The following SLC38A10 variants were observed in gnomAD, a reference collection of about 807,000 sequenced individuals.
The protein encoded by SLC38A10 is solute carrier family 38 member 10.
A neutral mutation model predicts 81.0 loss-of-function variants in SLC38A10; 53 were observed. The ratio of observed to expected loss-of-function variants is 0.65; its 90% CI spans 0.53 to 0.82. SLC38A10 has a LOEUF of 0.82. Among genes scored for constraint, SLC38A10 ranks in the 40% least tolerant of loss-of-function variants. The probability of loss-of-function intolerance (pLI) is 0.00; values close to 1 mark genes in which losing one functional copy is unlikely to be tolerated. For missense variants in SLC38A10, 1,471 were observed against 1,545.0 expected, an observed-to-expected ratio of 0.95 and a Z score of 0.80; for synonymous variants, 665 against 655.3, an observed-to-expected ratio of 1.01 and a Z score of -0.23.
intron 9 of SLC38A10, 54 bp from the exon 10 acceptor site, chr17:81,271,078 G>A: frequency 2.0e-6 from 3 of 1,470,776 alleles, no homozygotes; most frequent in Non-Finnish European, 2.8e-6. Flanking sequence ...CTGGGAAGGA[G>A]GGGACCTGAG....
intron 2 of SLC38A10, among the ~76,000 whole-genome samples, chr17:81,287,283 G>A (rs965593429): frequency 2.6e-5 from 4 of 152,198 alleles, no homozygotes; most frequent in Non-Finnish European, 5.9e-5. Context: ...GGGGGCAGAT[G>A]CCATTCGGAG....
At position 81,286,256 on chromosome 17, in the gene SLC38A10, A is replaced by T. The variant is rs2063266090; in HGVS notation, c.218-1361T>A. 6.6e-6 allele frequency among the ~76,000 whole-genome samples: 1 copy of T among 152,234 alleles called. No individual in the cohort carries two copies. The highest frequency in any genetic ancestry group is 1.5e-5 in the Non-Finnish European group (1 of 68,046). ...CAAAAGGAAGCTGAGTCTCTACAGC[A>T]TATTCCAAACACGAGCGCACCTTGC... is the stretch of plus-strand genomic sequence containing the variant. On this transcript the variant is annotated intron_variant, in intron 2 of 15. Transcript: ENST00000374759. This position sits in a 1 kb window ranked among gnomAD's most constrained non-coding sequence, Gnocchi z 6.0.
chr17:81,282,669 C>T (rs1451265220), intron 4 of SLC38A10, among the ~76,000 whole-genome samples: 3 of 152,210 alleles, frequency 2.0e-5, no homozygotes, highest in African/African-American at 7.2e-5. Flanking sequence ...GGGAAAGGTG[C>T]AGACTGCCCT....
At position 81,277,339 on chromosome 17, in the gene SLC38A10, C is replaced by T. The variant is rs72850619; in HGVS notation, c.627-206G>A. 1.3e-5 allele frequency among the ~76,000 whole-genome samples: 2 copies of T among 152,154 alleles called. No individual in the cohort carries two copies. The highest frequency in any genetic ancestry group is 1.5e-5 in the Non-Finnish European group (1 of 68,026). On this transcript the variant is annotated intron_variant, in intron 6 of 15. Coordinates refer to ENST00000374759, the MANE Select transcript of SLC38A10 (RefSeq NM_001037984.3). The surrounding 1 kb of genome is among the most constrained non-coding windows in gnomAD (Gnocchi z 4.5). ...GTTGCAGCAGCCCCCACTCAGGACA[C>T]CCCCCAGAGCGTGCACCATGCGAAC...
chr17:81,285,395 C>T (rs764167901), intron 2 of SLC38A10: 1 of 152,860 alleles, frequency 6.5e-6, no homozygotes, highest in Non-Finnish European at 1.5e-5. Flanking sequence ...CAAATGGAGA[C>T]TCCTTTCGAG....
chr17:81,262,625 G>C (rs2063033793), intron 10 of SLC38A10, among the ~76,000 whole-genome samples: 1 of 152,188 alleles, frequency 6.6e-6, no homozygotes, highest in South Asian at 2.1e-4. Flanking sequence ...ACGGGATCTT[G>C]GTGAGAGTAC....
At chr17:81,250,843 A>G in intron 14 of SLC38A10, 1 of 1,020,766 alleles carries the variant, frequency 9.8e-7, no homozygotes, top group Non-Finnish European at 1.2e-6. Context: ...GCAAAAAGCC[A>G]ACAGCTGAGA....
chr17:81,258,475 G>A (rs149695727), intron 11 of SLC38A10, among the ~76,000 whole-genome samples: 1,535 of 152,230 alleles, frequency 0.01, 35 homozygotes, highest in African/African-American at 0.035. Context: ...GCCTCATGAC[G>A]GGATACAGCT....
At position 81,265,492 on chromosome 17, in the gene SLC38A10, A is replaced by C. The variant is rs1436113342; in HGVS notation, c.1132-5098T>G. On this transcript the variant is annotated intron_variant, in intron 10 of 15. Transcript: ENST00000374759. This position sits in a 1 kb window ranked among gnomAD's most constrained non-coding sequence, Gnocchi z 4.2. ...GTTGATCTTCTGAGGACGAGCTGGAACATTCCTTCTTTTTCACGTCTTTCT... is the reference window on the plus strand; with the variant it reads ...GTTGATCTTCTGAGGACGAGCTGGACCATTCCTTCTTTTTCACGTCTTTCT... The C allele has an allele frequency of 6.6e-6, 1 of 152,276 alleles. No homozygotes were observed. The highest frequency in any genetic ancestry group is 1.5e-5 in the Non-Finnish European group (1 of 68,048). 9.4% of individuals were successfully genotyped at this position (152,276 alleles called of 1,614,324 possible).
At chr17:81,258,090 C>T (rs1356066531) in intron 11 of SLC38A10, among the ~76,000 whole-genome samples, 2 of 152,210 alleles carry the variant, frequency 1.3e-5, no homozygotes, top group African/African-American at 2.4e-5. Flanking sequence ...CCCGGCTGTG[C>T]GCGTCTAACC....
Position 81,261,667 on chromosome 17 carries a change from C to T in SLC38A10, c.1132-1273G>A, listed in dbSNP as rs569191535. On this transcript the variant is annotated intron_variant, in intron 10 of 15. Transcript: ENST00000374759. ...TTCCTCTACTTCCTTCTCTGCCACC[C>T]GGAAACATTGGGCTGGTGTCGGCAT... 1.7e-4 allele frequency among the ~76,000 whole-genome samples: 26 copies of T among 152,356 alleles called. No homozygotes were observed. The South Asian group carries it at 4.8e-3, about 28-fold the overall frequency.
intron 10 of SLC38A10, among the ~76,000 whole-genome samples, chr17:81,266,539 A>C (rs954334739): frequency 2.6e-5 from 4 of 152,094 alleles, no homozygotes; most frequent in African/African-American, 9.7e-5. Context: ...GAATGGCGTG[A>C]ACCCAGGAGG....
chr17:81,280,696 C>A lies in SLC38A10; in HGVS notation c.539G>T (p.Gly180Val). ...LSSLKHGLFS[G>V]QWLRRVSYVR... is the part of the protein sequence containing the mutation. ...GTAGCTGACCCGCCGCAGCCACTGC[C>A]CACTGAAGAGGCCGTGCTTGAGAGA... The change falls in exon 6 of 16, where the codon GGG (glycine) becomes GTG (valine). Residue 180 changes from glycine to valine, a missense_variant. Physicochemically the swap from Gly to Val is moderately radical, Grantham distance 109. Transcript: ENST00000374759. The A allele has an allele frequency of 6.2e-7, 1 of 1,613,792 alleles. No homozygotes were observed.
intron 6 of SLC38A10, 130 bp downstream of exon 6, chr17:81,280,479 T>C: frequency 7.2e-7 from 1 of 1,390,386 alleles, no homozygotes; most frequent in Non-Finnish European, 9.7e-7. Context: ...AGGTCATCAC[T>C]GAACAAGACA....
At chr17:81,267,721 A>G (rs7223939) in intron 10 of SLC38A10, among the ~76,000 whole-genome samples, 63,170 of 151,810 alleles carry the variant, frequency 0.42, 13,839 homozygotes, top group African/African-American at 0.54. Context: ...AAACAATGGT[A>G]AAAGCTGAAT....
At chr17:81,274,950 A>G (rs1391260338) in intron 8 of SLC38A10, among the ~76,000 whole-genome samples, 1 of 152,238 alleles carries the variant, frequency 6.6e-6, no homozygotes, top group Non-Finnish European at 1.5e-5. Context: ...TTTGTAGCCC[A>G]GGCTGGAGTA....
At chr17:81,275,411 AT>A (rs1206731366) in intron 8 of SLC38A10, among the ~76,000 whole-genome samples, 2 of 151,850 alleles carry the variant, frequency 1.3e-5, no homozygotes, top group East Asian at 3.9e-4. Context: ...TATTGTTAAA[AT>A]TTTTCAAAGT....
At position 81,253,173 on chromosome 17, in the gene SLC38A10, C is replaced by T. The variant is rs778912828; in HGVS notation, c.1356G>A (p.Glu452=). ...CCTTGATCTGGGCCTGCTCCAGCTCCTCTCTCTCCTTCGGCAGCTTCGGCT... is the reference window on the plus strand; with the variant it reads ...CCTTGATCTGGGCCTGCTCCAGCTCTTCTCTCTCCTTCGGCAGCTTCGGCT... ...REKPKLPKER[E]ELEQAQIKGP... The change falls in exon 12 of 16, where the codon GAG becomes GAA. Residue 452 remains glutamate (E), a synonymous_variant. Transcript: ENST00000374759. The surrounding 1 kb of genome is among the most constrained non-coding windows in gnomAD (Gnocchi z 4.1). 1.2e-6 allele frequency: 2 copies of T among 1,613,940 alleles called. No individual in the cohort carries two copies. The highest frequency in any genetic ancestry group is 1.7e-5 in the Admixed American group (1 of 60,024).
intron 2 of SLC38A10, 52 bp from the exon 3 acceptor site, chr17:81,284,947 C>A: frequency 6.6e-7 from 1 of 1,506,014 alleles, no homozygotes; most frequent in Non-Finnish European, 9.0e-7. Context: ...GAAGCTCGTC[C>A]AGAACAAAGG....
Sources: gnomAD v4.1 joint callset for allele counts (sites outside exome capture counted in the v4.1 genomes callset) on GRCh38, gnomAD v4.1.1 for gene constraint, Gnocchi (gnomAD v3.1) non-coding constraint, MANE v1.5 for transcripts, NCBI Gene and HGNC (gene_info 2026-07-23, HGNC 2026-07-21) for gene names.